The following MAP2K1 variants were observed in gnomAD, a reference collection of about 807,000 sequenced individuals.
The protein encoded by MAP2K1 is dual specificity mitogen-activated protein kinase kinase 1.
In MAP2K1, 16 loss-of-function variants were observed where a neutral mutation model predicts 46.3. The ratio of observed to expected loss-of-function variants is 0.35; its 90% CI spans 0.23 to 0.52. MAP2K1 has a LOEUF of 0.52. Among genes scored for constraint, MAP2K1 ranks in the 20% least tolerant of loss-of-function variants. The pLI is 0.94. For synonymous variants in MAP2K1, 183 were observed against 185.6 expected, an observed-to-expected ratio of 0.99 and a Z score of 0.11; for missense variants, 263 against 497.1, an observed-to-expected ratio of 0.53 and a Z score of 4.48.
intron 4 of MAP2K1, 47 bp downstream of exon 4, chr15:66,443,404 T>C (rs754563110): frequency 8.9e-7 from 1 of 1,124,582 alleles, no homozygotes; most frequent in East Asian, 2.4e-5. Flanking sequence ...ATTGATAAGT[T>C]AATGAGTCGG....
rs1008550904 is a variant in MAP2K1 at position 66,484,973 on chromosome 15, G to C, written c.694-17G>C. The C allele has an allele frequency of 6.2e-7, 1 of 1,608,692 alleles. No individual in the cohort carries two copies. Among genetic ancestry groups the C allele is most frequent in the Non-Finnish European group, 8.5e-7 (1 of 1,176,604 alleles). ...CAAGTTAGGTTAGGTGATTATCACTGTCTGTCTCTCCTGCAGCCAGAAAGA... is the reference window on the plus strand; with the variant it reads ...CAAGTTAGGTTAGGTGATTATCACTCTCTGTCTCTCCTGCAGCCAGAAAGA... On this transcript the variant is annotated splice_polypyrimidine_tract_variant and intron_variant, in intron 6 of 10. Transcript: ENST00000307102.
chr15:66,416,637 A>G (rs889805787), intron 1 of MAP2K1, among the ~76,000 whole-genome samples: 4 of 151,904 alleles, frequency 2.6e-5, no homozygotes, highest in Admixed American at 2.0e-4. Context: ...TTCCCTTTCT[A>G]TGTTTTTTCT....
intron 1 of MAP2K1, among the ~76,000 whole-genome samples, chr15:66,418,945 CTTTTTTTTTT>C (rs753511565): frequency 2.2e-5 from 2 of 88,908 alleles, no homozygotes; most frequent in African/African-American, 4.7e-5. Flanking sequence ...TGTGCCCGGC[CTTTTTTTTTT>C]TTTTTTTTTT....
At chr15:66,489,576 T>C (rs563212739) in intron 9 of MAP2K1, 142 bp from the exon 10 acceptor site, 23 of 790,392 alleles carry the variant, frequency 2.9e-5, no homozygotes, top group African/African-American at 1.7e-4. Flanking sequence ...GTGGGCATGA[T>C]ACTGTGCTTA....
chr15:66,478,846 TCTC>T (rs1892845740), intron 5 of MAP2K1, among the ~76,000 whole-genome samples: 1 of 152,172 alleles, frequency 6.6e-6, no homozygotes, highest in African/African-American at 2.4e-5. Context: ...GATTTGTCTG[TCTC>T]CTCACAATAA....
chr15:66,447,686 CAAA>C (rs34064163), intron 5 of MAP2K1, among the ~76,000 whole-genome samples: 1 of 136,610 alleles, frequency 7.3e-6, no homozygotes. Context: ...GACTCTGTCT[CAAA>C]AAAAAAAAAA....
intron 1 of MAP2K1, among the ~76,000 whole-genome samples, chr15:66,411,729 A>G (rs2093411724): frequency 6.6e-6 from 1 of 152,262 alleles, no homozygotes; most frequent in African/African-American, 2.4e-5. Context: ...ATCCAAAATC[A>G]CATTCTTTTC....
At chr15:66,428,773 C>CTTT (rs1196428468) in intron 1 of MAP2K1, among the ~76,000 whole-genome samples, 4,142 of 78,258 alleles carry the variant, frequency 0.053, 508 homozygotes, top group African/African-American at 0.089. Flanking sequence ...ATTTTCTTTC[C>CTTT]TTTTTTTTTT....
intron 3 of MAP2K1, among the ~76,000 whole-genome samples, chr15:66,437,886 A>T (rs2093492590): frequency 1.3e-5 from 2 of 152,050 alleles, no homozygotes; most frequent in Non-Finnish European, 2.9e-5. Context: ...ATGAGAGCAG[A>T]GCATTCTCTG....
intron 1 of MAP2K1, among the ~76,000 whole-genome samples, chr15:66,426,207 C>T (rs1267114886): frequency 1.3e-5 from 2 of 149,934 alleles, no homozygotes; most frequent in Non-Finnish European, 3.0e-5. Context: ...AGAATGGCTG[C>T]TCCATAGGCA....
intron 1 of MAP2K1, among the ~76,000 whole-genome samples, chr15:66,396,478 C>T (rs891336759): frequency 6.6e-6 from 1 of 151,882 alleles, no homozygotes; most frequent in African/African-American, 2.4e-5. Context: ...CCATGTTGGT[C>T]AGGCTGGTCT....
At chr15:66,441,288 A>G (rs2093502920) in intron 3 of MAP2K1, among the ~76,000 whole-genome samples, 1 of 152,028 alleles carries the variant, frequency 6.6e-6, no homozygotes, top group Non-Finnish European at 1.5e-5. Context: ...TTTAATAGAG[A>G]TATTTCTCTT....
intron 5 of MAP2K1, among the ~76,000 whole-genome samples, chr15:66,445,459 G>T (rs1232505400): frequency 6.6e-6 from 1 of 152,072 alleles, no homozygotes; most frequent in Admixed American, 6.6e-5. Flanking sequence ...TTTAATAAAG[G>T]TACACATACA....
chr15:66,416,624 C>T (rs1193150235), intron 1 of MAP2K1, among the ~76,000 whole-genome samples: 1 of 152,180 alleles, frequency 6.6e-6, no homozygotes, highest in Non-Finnish European at 1.5e-5. Context: ...GTGGGACTCA[C>T]ATTTCCCTTT....
At chr15:66,452,143 C>T (rs1302052466) in intron 5 of MAP2K1, among the ~76,000 whole-genome samples, 1 of 86,562 alleles carries the variant, frequency 1.2e-5, no homozygotes, top group Admixed American at 1.5e-4. Flanking sequence ...GTGGTGGGGT[C>T]GGGGGAGGGG....
At position 66,459,941 on chromosome 15, in the gene MAP2K1, C is replaced by T. The variant is rs752842478; in HGVS notation, c.568+15234C>T. Among the ~76,000 whole-genome samples the T allele has an allele frequency of 5.9e-5, 9 of 152,190 alleles. No individual in the cohort carries two copies. In the South Asian group the frequency reaches 1.9e-3, roughly 32 times the overall value. ...TCGCTGAGCAGAAGTCAGAGTGGCCCCTGCCTCCACCAGCCTGAGGCTACA... is the reference window on the plus strand; with the variant it reads ...TCGCTGAGCAGAAGTCAGAGTGGCCTCTGCCTCCACCAGCCTGAGGCTACA... On this transcript the variant is annotated intron_variant, in intron 5 of 10. Transcript: ENST00000307102.
At chr15:66,434,364 C>T (rs949509123) in intron 1 of MAP2K1, among the ~76,000 whole-genome samples, 3 of 152,104 alleles carry the variant, frequency 2.0e-5, no homozygotes, top group African/African-American at 7.2e-5. Flanking sequence ...GGTCCATGTG[C>T]GAAGGATGAT....
chr15:66,428,148 C>G (rs1255838539), intron 1 of MAP2K1, among the ~76,000 whole-genome samples: 2 of 152,084 alleles, frequency 1.3e-5, no homozygotes, highest in African/African-American at 2.4e-5. Context: ...GATGAATTCT[C>G]AGAAACCGAA....
chr15:66,387,473 C>A (rs1348434466), intron 1 of MAP2K1, 46 bp downstream of exon 1: 1 of 1,535,114 alleles, frequency 6.5e-7, no homozygotes, highest in East Asian at 2.5e-5. Flanking sequence ...GCTGGGGAGG[C>A]CCGAGCCGGG....
Sources: gnomAD v4.1 joint callset for allele counts (sites outside exome capture counted in the v4.1 genomes callset) on GRCh38, gnomAD v4.1.1 for gene constraint, MANE v1.5 for transcripts, NCBI Gene and HGNC (gene_info 2026-07-23, HGNC 2026-07-21) for gene names.